Variants in SERGEF observed in about 807,000 individuals in gnomAD.
SERGEF encodes secretion-regulating guanine nucleotide exchange factor.
In SERGEF, 51 loss-of-function variants were observed where a neutral mutation model predicts 50.0. The observed-to-expected ratio is 1.02, with a 90% CI of 0.81 to 1.29. SERGEF has a LOEUF of 1.29. SERGEF is among the 50% of genes most tolerant of loss of function. The pLI is 0.00. For missense variants in SERGEF, 521 were observed against 557.0 expected, an observed-to-expected ratio of 0.94 and a Z score of 0.65; for synonymous variants, 205 against 212.4, an observed-to-expected ratio of 0.97 and a Z score of 0.30.
chr11:17,981,692 C>T (rs1853497976), intron 8 of SERGEF, among the ~76,000 whole-genome samples: 1 of 152,200 alleles, frequency 6.6e-6, no homozygotes, highest in South Asian at 2.1e-4. Context: ...GGCCTCCTGA[C>T]CCTCGCTTCT....
At chr11:17,827,042 C>T (rs377217639) in intron 10 of SERGEF, among the ~76,000 whole-genome samples, 11 of 152,276 alleles carry the variant, frequency 7.2e-5, no homozygotes, top group Admixed American at 4.6e-4. Flanking sequence ...AAATAGATGC[C>T]TGGATTTTAA....
intron 10 of SERGEF, chr11:17,863,751 C>A (rs969827708): frequency 6.6e-6 from 1 of 152,224 alleles, no homozygotes; most frequent in Non-Finnish European, 1.5e-5. Context: ...GCATCCATAA[C>A]ACTACATGGC....
chr11:17,819,796 G>A (rs1378761658), intron 10 of SERGEF, among the ~76,000 whole-genome samples: 1 of 152,186 alleles, frequency 6.6e-6, no homozygotes, highest in Non-Finnish European at 1.5e-5. Context: ...CAGAGGTGCT[G>A]GGCAAAACTC....
At chr11:17,913,341 C>T (rs1013881035) in intron 9 of SERGEF, among the ~76,000 whole-genome samples, 4 of 152,232 alleles carry the variant, frequency 2.6e-5, no homozygotes, top group African/African-American at 9.6e-5. Context: ...AATGAGCGTC[C>T]TGCTATGAAG....
intron 9 of SERGEF, among the ~76,000 whole-genome samples, chr11:17,947,669 C>A (rs1440278196): frequency 3.9e-5 from 6 of 152,208 alleles, no homozygotes; most frequent in Non-Finnish European, 7.3e-5. Context: ...TGGAAAACCA[C>A]CATCCAGTCA....
At chr11:17,999,783 T>C (rs534305247) in intron 5 of SERGEF, among the ~76,000 whole-genome samples, 4 of 152,188 alleles carry the variant, frequency 2.6e-5, no homozygotes, top group African/African-American at 4.8e-5. Flanking sequence ...CTGCAAAAAA[T>C]ATGAGCCTTA....
At chr11:17,791,206 T>G (rs145756938) in intron 10 of SERGEF, among the ~76,000 whole-genome samples, 1 of 152,362 alleles carries the variant, frequency 6.6e-6, no homozygotes, top group African/African-American at 2.4e-5. Context: ...GTCATTATTT[T>G]ATATAGCATT....
intron 9 of SERGEF, among the ~76,000 whole-genome samples, chr11:17,942,848 G>C (rs928774735): frequency 6.6e-6 from 1 of 152,080 alleles, no homozygotes; most frequent in East Asian, 1.9e-4. Context: ...CACAACTGTT[G>C]AAGTTATTAT....
chr11:17,981,341 G>T (rs538147699), intron 8 of SERGEF, among the ~76,000 whole-genome samples: 13 of 152,326 alleles, frequency 8.5e-5, no homozygotes, highest in African/African-American at 3.1e-4. Context: ...TTGCCGAAAT[G>T]TAGTATCACT....
At chr11:17,796,236 C>T (rs1200409191) in intron 10 of SERGEF, among the ~76,000 whole-genome samples, 1 of 152,116 alleles carries the variant, frequency 6.6e-6, no homozygotes, top group Admixed American at 6.5e-5. Flanking sequence ...GACACTGACC[C>T]AGGAGGCCAT....
intron 10 of SERGEF, among the ~76,000 whole-genome samples, chr11:17,818,536 A>C (rs1850021367): frequency 6.6e-6 from 1 of 152,154 alleles, no homozygotes; most frequent in East Asian, 1.9e-4. Context: ...TAATTGGATC[A>C]CTTAGCTGTT....
chr11:18,007,072 C>T (rs924637743), intron 2 of SERGEF, among the ~76,000 whole-genome samples: 1 of 152,178 alleles, frequency 6.6e-6, no homozygotes, highest in Non-Finnish European at 1.5e-5. Context: ...TTGTGCAGAG[C>T]GGACTTATCC....
At chr11:17,882,700 C>G (rs1851357640) in intron 9 of SERGEF, among the ~76,000 whole-genome samples, 2 of 152,118 alleles carry the variant, frequency 1.3e-5, no homozygotes, top group South Asian at 4.1e-4. Context: ...AGAAGGGACT[C>G]AGGGAAGGTA....
chr11:17,913,561 G>C (rs951530240), intron 9 of SERGEF, among the ~76,000 whole-genome samples: 1 of 152,134 alleles, frequency 6.6e-6, no homozygotes, highest in Admixed American at 6.5e-5. Flanking sequence ...AGGTAGCTTT[G>C]GGGGGTACTG....
At position 17,788,342 on chromosome 11, in the gene SERGEF, C is replaced by T; in HGVS notation, c.1120G>A (p.Ala374Thr). ...AGCAGAGCCTGCACCGGCTTTGGGG[C>T]CCAGACGTTGGCTTCAGTGCCATCT... ...CGDGTEANVW[A>T]PKPVQALLSS... The change falls in exon 11 of 11, where the codon GCC (alanine) becomes ACC (threonine). Residue 374 changes from alanine to threonine, a missense_variant. Physicochemically the swap from Ala to Thr is moderately conservative, Grantham distance 58. Coordinates refer to ENST00000265965, the MANE Select transcript of SERGEF (RefSeq NM_012139.4). 3 of 1,614,136 alleles carry T rather than the reference C, an allele frequency of 1.9e-6. No individual in the cohort carries two copies. Among genetic ancestry groups the T allele is most frequent in the Middle Eastern group, 1.6e-4 (1 of 6,062 alleles).
chr11:17,988,386 T>G (rs1291012893), intron 8 of SERGEF, among the ~76,000 whole-genome samples: 1 of 152,206 alleles, frequency 6.6e-6, no homozygotes, highest in African/African-American at 2.4e-5. Context: ...AGGAGTTAAC[T>G]TAACCCAGGC....
chr11:17,947,904 C>T (rs755118370), intron 9 of SERGEF, among the ~76,000 whole-genome samples: 1 of 151,412 alleles, frequency 6.6e-6, no homozygotes, highest in East Asian at 1.9e-4. Flanking sequence ...CAGGAACTAA[C>T]ATTATTATTA....
chr11:17,842,397 A>G (rs1414315732), intron 10 of SERGEF, among the ~76,000 whole-genome samples: 1 of 152,186 alleles, frequency 6.6e-6, no homozygotes. Context: ...CCTTCTATAG[A>G]TGAAGACACC....
intron 9 of SERGEF, among the ~76,000 whole-genome samples, chr11:17,898,445 C>T (rs543844046): frequency 2.3e-4 from 35 of 152,282 alleles, no homozygotes; most frequent in African/African-American, 8.4e-4. Flanking sequence ...GTTTTCTCAC[C>T]TGCACAATAG....
Sources: allele counts gnomAD v4.1 joint callset (sites outside exome capture counted in the v4.1 genomes callset), GRCh38; gene constraint gnomAD v4.1.1; transcripts MANE v1.5; gene names NCBI Gene and HGNC (gene_info 2026-07-23, HGNC 2026-07-21).